The following PRR11 variants were observed in gnomAD, a reference collection of about 807,000 sequenced individuals.
PRR11 encodes the protein proline rich 11, also known as proline-rich protein 11.
A neutral mutation model predicts 45.6 loss-of-function variants in PRR11; 30 were observed. That is an observed-to-expected ratio of 0.66 (90% CI 0.49 to 0.89). PRR11 has a LOEUF of 0.89. Ranked by LOEUF, PRR11 falls within the 40% of genes least tolerant of loss-of-function variation. PRR11 has a pLI of 0.00. For synonymous variants in PRR11, 128 were observed against 153.5 expected (o/e 0.83, Z 1.23); for missense variants, 373 against 424.8 (o/e 0.88, Z 1.07).
rs2046903008 is a variant in PRR11 at position 59,203,569 on chromosome 17, A to T, written c.*1938A>T. ...TATAACACATTTATGGATGAAAATT[A>T]AACAGGTGTCCGGGTGCGGTTACTC... On this transcript the variant is annotated 3_prime_UTR_variant, in exon 10 of 10. Transcript: ENST00000262293. 1 of 152,166 alleles carries T rather than the reference A, an allele frequency of 6.6e-6. No individual in the cohort carries two copies. Among genetic ancestry groups the T allele is most frequent in the South Asian group, 2.1e-4 (1 of 4,826 alleles). The allele number at this position is 152,166 out of a possible 1,614,324, so 9.4% of individuals were successfully genotyped here. A position where few individuals can be genotyped will look rare whatever the true frequency, so the allele number is the denominator to read the frequency against.
chr17:59,179,981 G>A, intron 2 of PRR11: 1 of 1,145,210 alleles, frequency 8.7e-7, no homozygotes, highest in Non-Finnish European at 1.3e-6. Context: ...CAGCCTCGCA[G>A]ACTGCTGGCT....
chr17:59,169,626 C>G (rs1385112926), intron 1 of PRR11, 122 bp from the exon 2 acceptor site: 17 of 917,558 alleles, frequency 1.9e-5, no homozygotes, highest in Non-Finnish European at 6.3e-6. Flanking sequence ...ATTTCTTAAC[C>G]AAGATGGTGG....
intron 2 of PRR11, among the ~76,000 whole-genome samples, chr17:59,183,260 G>T (rs754732768): frequency 6.6e-6 from 1 of 152,184 alleles, no homozygotes; most frequent in Non-Finnish European, 1.5e-5. Context: ...AGCAGAGGCT[G>T]TGTCTTCTCC....
At chr17:59,181,595 C>T in intron 2 of PRR11, 1 of 1,383,484 alleles carries the variant, frequency 7.2e-7, no homozygotes. Context: ...ATTTTGAGCC[C>T]ACACAGCATC....
At chr17:59,201,419 G>C (rs990744101) in intron 9 of PRR11, 144 bp from the exon 10 acceptor site, 12 of 751,666 alleles carry the variant, frequency 1.6e-5, no homozygotes, top group African/African-American at 3.5e-5. Context: ...ACTTCTGATT[G>C]CATCAGGGAA....
intron 2 of PRR11, among the ~76,000 whole-genome samples, chr17:59,178,223 G>A (rs1473384356): frequency 6.6e-6 from 1 of 152,254 alleles, no homozygotes; most frequent in African/African-American, 2.4e-5. Flanking sequence ...AATCCCAGCT[G>A]CTTGGGAGGC....
intron 4 of PRR11, among the ~76,000 whole-genome samples, chr17:59,192,439 T>C (rs2046843941): frequency 6.6e-6 from 1 of 152,200 alleles, no homozygotes; most frequent in African/African-American, 2.4e-5. Flanking sequence ...TTTTACTTCA[T>C]AGGGTCGTTG....
intron 1 of PRR11, among the ~76,000 whole-genome samples, chr17:59,164,909 T>G (rs114096577): frequency 0.031 from 4,652 of 152,140 alleles, 257 homozygotes; most frequent in African/African-American, 0.11. Flanking sequence ...ACCATAGATT[T>G]GATGAAATGT....
intron 1 of PRR11, among the ~76,000 whole-genome samples, chr17:59,156,790 G>A (rs916421875): frequency 7.9e-5 from 12 of 152,050 alleles, no homozygotes; most frequent in African/African-American, 2.9e-4. Context: ...CAGCACGCCC[G>A]GCTAATTTTT....
chr17:59,195,745 A>G (rs1371050713), intron 7 of PRR11, among the ~76,000 whole-genome samples: 1 of 152,070 alleles, frequency 6.6e-6, no homozygotes, highest in Non-Finnish European at 1.5e-5. Flanking sequence ...AAGATATGGC[A>G]TTGATTTAAT....
chr17:59,164,085 T>C (rs969855179), intron 1 of PRR11, among the ~76,000 whole-genome samples: 1 of 151,892 alleles, frequency 6.6e-6, no homozygotes, highest in African/African-American at 2.4e-5. Flanking sequence ...AAGAAAAACA[T>C]AAAAGTATAT....
chr17:59,178,657 T>G, intron 2 of PRR11: 4 of 506,028 alleles, frequency 7.9e-6, no homozygotes, highest in South Asian at 5.7e-5. Context: ...GTGAGGTGGA[T>G]GGGAAAGAGG....
Position 59,155,788 on chromosome 17 carries a change from C to A in PRR11, c.-23C>A, listed in dbSNP as rs148320863. On this transcript the variant is annotated 5_prime_UTR_variant, in exon 1 of 10. Transcript: ENST00000262293. ...GGCCACAGCCCGGACTCCATCGACT[C>A]CCCCGGCTCTTAGACTAGTAAGTGC... is the stretch of plus-strand genomic sequence containing the variant. 3.5e-3 allele frequency: 555 copies of A among 158,438 alleles called. 9 individuals are homozygous for A. Among genetic ancestry groups the A allele is most frequent in the African/African-American group, 0.012 (517 of 41,574 alleles). The allele number at this position is 158,438 out of a possible 1,614,324, so 9.8% of individuals were successfully genotyped here.
chr17:59,192,827 A>C (rs988060438), intron 4 of PRR11, among the ~76,000 whole-genome samples: 4 of 152,194 alleles, frequency 2.6e-5, no homozygotes, highest in African/African-American at 9.7e-5. Context: ...TCTGGGACAC[A>C]ATTCAGTCCA....
Position 59,206,481 on chromosome 17 carries a change from G to A in PRR11, c.*4850G>A, listed in dbSNP as rs1346704300. Among the ~76,000 whole-genome samples, 2 of 151,928 alleles carry A rather than the reference G, an allele frequency of 1.3e-5. No homozygotes were observed. The highest frequency in any genetic ancestry group is 2.4e-5 in the African/African-American group (1 of 41,356). ...AAGCTGCTACTGCCATTGTACCAGTGTTAAAATGTGTTCTACCTTGCATCT... is the reference window on the plus strand; with the variant it reads ...AAGCTGCTACTGCCATTGTACCAGTATTAAAATGTGTTCTACCTTGCATCT... On this transcript the variant is annotated 3_prime_UTR_variant, in exon 10 of 10. Transcript: ENST00000262293.
At chr17:59,174,875 C>G in intron 2 of PRR11, 1 of 1,199,848 alleles carries the variant, frequency 8.3e-7, no homozygotes, top group African/African-American at 1.5e-5. Flanking sequence ...TGGGGACTCC[C>G]CAGGATACCC....
chr17:59,171,258 G>A (rs536417943), intron 2 of PRR11, among the ~76,000 whole-genome samples: 10 of 150,102 alleles, frequency 6.7e-5, no homozygotes, highest in East Asian at 5.8e-4. Context: ...GCGAGACTCC[G>A]TCTCAAAAAA....
rs1278866369 is a variant in PRR11 at position 59,204,805 on chromosome 17, G to A, written c.*3174G>A. ...GCACTTTGGGAGGCTAAGGCAGGAG[G>A]ATTGCTTGAGGCCAAGAGTTCAAAA... is the stretch of plus-strand genomic sequence containing the variant. On this transcript the variant is annotated 3_prime_UTR_variant, in exon 10 of 10. Coordinates refer to ENST00000262293, the MANE Select transcript of PRR11 (RefSeq NM_018304.4). 6.6e-6 allele frequency: 1 copy of A among 152,224 alleles called. No homozygotes were observed. Among genetic ancestry groups the A allele is most frequent in the African/African-American group, 2.4e-5 (1 of 41,398 alleles). The allele number at this position is 152,224 out of a possible 1,614,324, so 9.4% of individuals were successfully genotyped here. A position where few individuals can be genotyped will look rare whatever the true frequency, so the allele number is the denominator to read the frequency against.
At chr17:59,173,936 T>C (rs2046727305) in intron 2 of PRR11, among the ~76,000 whole-genome samples, 1 of 152,202 alleles carries the variant, frequency 6.6e-6, no homozygotes, top group East Asian at 1.9e-4. Flanking sequence ...AGAGAGAGGA[T>C]GTCATACTTA....
Sources: gnomAD v4.1 joint callset for allele counts (sites outside exome capture counted in the v4.1 genomes callset) on GRCh38, gnomAD v4.1.1 for gene constraint, MANE v1.5 for transcripts, NCBI Gene and HGNC (gene_info 2026-07-23, HGNC 2026-07-21) for gene names.